GRM7: variants seen among roughly 807,000 people sequenced by gnomAD.
GRM7 encodes glutamate metabotropic receptor 7, also known as metabotropic glutamate receptor 7.
In GRM7, 35 loss-of-function variants were observed where a neutral mutation model predicts 84.5. The observed-to-expected ratio is 0.41, with a 90% CI of 0.32 to 0.55. The LOEUF (loss-of-function observed/expected upper bound fraction) is 0.55, where lower values mean the gene tolerates loss of function less well. Among genes scored for constraint, GRM7 ranks in the 20% least tolerant of loss-of-function variants. The pLI is 0.19. For synonymous variants in GRM7, 487 were observed against 455.1 expected, an observed-to-expected ratio of 1.07 and a Z score of -0.89; for missense variants, 1,003 against 1,194.6, an observed-to-expected ratio of 0.84 and a Z score of 2.36.
At chr3:7,715,786 A>G (rs1701753278) in intron 9 of GRM7, among the ~76,000 whole-genome samples, 1 of 152,182 alleles carries the variant, frequency 6.6e-6, no homozygotes, top group Non-Finnish European at 1.5e-5. Context: ...GCATACACAG[A>G]GAGAAATAAG....
chr3:6,927,234 C>T (rs573762119), intron 1 of GRM7, among the ~76,000 whole-genome samples: 2 of 152,088 alleles, frequency 1.3e-5, no homozygotes, highest in East Asian at 1.9e-4. Flanking sequence ...TTGAGACCGG[C>T]CTGGCCAACA....
At chr3:7,039,191 G>A (rs1022398900) in intron 1 of GRM7, among the ~76,000 whole-genome samples, 6 of 152,144 alleles carry the variant, frequency 3.9e-5, no homozygotes, top group African/African-American at 1.4e-4. Context: ...TTTCTTACAA[G>A]CCTGTGATTG....
chr3:7,361,885 G>A (rs911856550), intron 4 of GRM7, among the ~76,000 whole-genome samples: 2 of 152,068 alleles, frequency 1.3e-5, no homozygotes, highest in East Asian at 1.9e-4. Flanking sequence ...TTACTTATGT[G>A]CAGTCTTAGA....
At chr3:7,477,222 T>A (rs1698958117) in intron 7 of GRM7, among the ~76,000 whole-genome samples, 1 of 152,152 alleles carries the variant, frequency 6.6e-6, no homozygotes, top group Non-Finnish European at 1.5e-5. Context: ...AATTTTTTTT[T>A]AAATGCACTC....
At position 7,601,805 on chromosome 3, in the gene GRM7, A is replaced by G. The variant is rs1315841943; in HGVS notation, c.2451+22448A>G. 1.3e-5 allele frequency among the ~76,000 whole-genome samples: 2 copies of G among 152,040 alleles called. 1 individual carries two copies. Among genetic ancestry groups the G allele is most frequent in the Admixed American group, 1.3e-4 (2 of 15,230 alleles). On this transcript the variant is annotated intron_variant, in intron 8 of 9. Transcript: ENST00000357716. ...ATAGGAAAGAGAGACCCTAACTCTC[A>G]AGCATGGGGAAATAAATTTATCCTG... is the stretch of plus-strand genomic sequence containing the variant.
intron 8 of GRM7, among the ~76,000 whole-genome samples, chr3:7,597,421 C>T (rs1227986408): frequency 1.3e-5 from 2 of 152,146 alleles, no homozygotes; most frequent in Non-Finnish European, 2.9e-5. Context: ...CAAACTATAG[C>T]ACCTTTTAAA....
chr3:7,136,940 A>G (rs1247655343), intron 1 of GRM7, among the ~76,000 whole-genome samples: 1 of 152,156 alleles, frequency 6.6e-6, no homozygotes, highest in Non-Finnish European at 1.5e-5. Context: ...ACCATGTTCC[A>G]GAAGAACCCA....
At chr3:7,688,053 T>C (rs1700654658) in intron 9 of GRM7, among the ~76,000 whole-genome samples, 1 of 152,142 alleles carries the variant, frequency 6.6e-6, no homozygotes, top group Non-Finnish European at 1.5e-5. Flanking sequence ...AACACTTTAA[T>C]AGTCTTTTTA....
At chr3:7,298,591 G>A (rs1022119223) in intron 2 of GRM7, 93 bp from the exon 3 acceptor site, 20 of 1,024,042 alleles carry the variant, frequency 2.0e-5, no homozygotes, top group South Asian at 7.2e-5. Flanking sequence ...TTGCATATCC[G>A]GGATTCAGAA....
intron 8 of GRM7, among the ~76,000 whole-genome samples, chr3:7,605,836 G>T (rs1696534474): frequency 6.6e-6 from 1 of 152,188 alleles, no homozygotes; most frequent in African/African-American, 2.4e-5. Flanking sequence ...GGCTTGTGAG[G>T]TATAACATCT....
intron 8 of GRM7, among the ~76,000 whole-genome samples, chr3:7,589,591 G>A (rs116663089): frequency 9.4e-4 from 143 of 152,230 alleles, no homozygotes; most frequent in African/African-American, 2.9e-3. Flanking sequence ...AAGAGGAGAC[G>A]TCCCATATTA....
chr3:7,122,112 T>G (rs955312213), intron 1 of GRM7, among the ~76,000 whole-genome samples: 3 of 152,132 alleles, frequency 2.0e-5, no homozygotes, highest in Non-Finnish European at 4.4e-5. Flanking sequence ...AATTACCCAG[T>G]CTGTGGTGTT....
chr3:7,691,957 C>T (rs1700817110), intron 9 of GRM7, among the ~76,000 whole-genome samples: 1 of 152,132 alleles, frequency 6.6e-6, no homozygotes, highest in Non-Finnish European at 1.5e-5. Context: ...CTGTGGCCGG[C>T]CCTGTGTTTT....
intron 1 of GRM7, among the ~76,000 whole-genome samples, chr3:7,128,715 C>T (rs1693488015): frequency 6.7e-6 from 1 of 149,744 alleles, no homozygotes; most frequent in South Asian, 2.1e-4. Context: ...GCCATGTTGG[C>T]CAGGATGGTC....
chr3:7,636,327 G>A (rs370663570), intron 8 of GRM7: 115 of 456,302 alleles, frequency 2.5e-4, no homozygotes, highest in African/African-American at 1.9e-3. Context: ...CTCCCCGACC[G>A]GACTAAATGA....
At chr3:6,997,608 G>A (rs1006152341) in intron 1 of GRM7, among the ~76,000 whole-genome samples, 1 of 152,130 alleles carries the variant, frequency 6.6e-6, no homozygotes, top group Non-Finnish European at 1.5e-5. Context: ...AACATGTGGG[G>A]ATTATGGGAA....
intron 7 of GRM7, among the ~76,000 whole-genome samples, chr3:7,466,877 T>A (rs1698480259): frequency 6.6e-6 from 1 of 152,218 alleles, no homozygotes; most frequent in Non-Finnish European, 1.5e-5. Context: ...AACTTACACT[T>A]CACACCTATA....
chr3:6,895,451 G>C (rs1398185285), intron 1 of GRM7, among the ~76,000 whole-genome samples: 1 of 152,112 alleles, frequency 6.6e-6, no homozygotes, highest in Non-Finnish European at 1.5e-5. Flanking sequence ...CATATGGTAA[G>C]AACACTACCA....
At chr3:7,500,244 T>C (rs935378187) in intron 7 of GRM7, among the ~76,000 whole-genome samples, 1 of 152,242 alleles carries the variant, frequency 6.6e-6, no homozygotes. Flanking sequence ...CCACTGTATA[T>C]AAAATAGTCT....
Sources: gnomAD v4.1 joint callset for allele counts (sites outside exome capture counted in the v4.1 genomes callset) on GRCh38, gnomAD v4.1.1 for gene constraint, MANE v1.5 for transcripts, NCBI Gene and HGNC (gene_info 2026-07-23, HGNC 2026-07-21) for gene names.